SH3BP2: variants seen among roughly 807,000 people sequenced by gnomAD.
The protein encoded by SH3BP2 is SH3 domain binding protein 2, also known as SH3 domain-binding protein 2.
Under a neutral mutation model 56.2 loss-of-function variants are expected in SH3BP2, and 38 were observed. That is an observed-to-expected ratio of 0.68 (90% CI 0.52 to 0.89). The LOEUF (loss-of-function observed/expected upper bound fraction) is 0.89. Among genes scored for constraint, SH3BP2 ranks in the 40% least tolerant of loss-of-function variants. The probability of loss-of-function intolerance (pLI) is 0.00; values close to 1 mark genes in which losing one functional copy is unlikely to be tolerated. For synonymous variants in SH3BP2, 346 were observed against 316.7 expected, an observed-to-expected ratio of 1.09 and a Z score of -0.98; for missense variants, 748 against 762.6, an observed-to-expected ratio of 0.98 and a Z score of 0.23.
intron 1 of SH3BP2, chr4:2,818,758 T>G (rs923472341): frequency 1.0e-6 from 1 of 988,268 alleles, no homozygotes; most frequent in Non-Finnish European, 1.2e-6. Context: ...GACCCGCCCC[T>G]GACCCCTCCC....
chr4:2,800,844 G>A (rs1560094986), intron 1 of SH3BP2, among the ~76,000 whole-genome samples: 1 of 152,190 alleles, frequency 6.6e-6, no homozygotes, highest in South Asian at 2.1e-4. Context: ...TTGCAGGTGG[G>A]GAACGGCTGG....
At chr4:2,817,846 G>A (rs1026437915) in intron 1 of SH3BP2, 4 of 152,256 alleles carry the variant, frequency 2.6e-5, no homozygotes, top group African/African-American at 9.6e-5. Context: ...CCACTTTCCC[G>A]AGGGAGCTGG....
chr4:2,820,660 A>G lies in SH3BP2; in HGVS notation c.43A>G (p.Ile15Val). 6.2e-7 allele frequency: 1 copy of G among 1,614,156 alleles called. No individual in the cohort carries two copies. Residue 15 changes from isoleucine to valine, a missense_variant, in exon 2 of 13, where the codon ATT becomes GTT. Physicochemically the swap from Ile to Val is conservative, Grantham distance 29. Around this residue, in one of 3 missense-constraint regions of SH3BP2, gnomAD observed 104 missense variants for 123.1 expected, o/e 0.84. Transcript: ENST00000503393. ...EMHWPVPMKA[I>V]GAQNLLTMPG... ...GCATTGGCCTGTCCCTATGAAGGCCATTGGTGCCCAGAACCTGCTAACCAT... is the reference window on the plus strand; with the variant it reads ...GCATTGGCCTGTCCCTATGAAGGCCGTTGGTGCCCAGAACCTGCTAACCAT...
chr4:2,829,611 G>T lies in SH3BP2; in HGVS notation c.705G>T (p.Leu235=). The T allele has an allele frequency of 1.2e-6, 2 of 1,610,898 alleles. No individual in the cohort carries two copies. The highest frequency in any genetic ancestry group is 1.7e-6 in the Non-Finnish European group (2 of 1,178,938). ...SFTSKGPGPL[L]PPPPPKHGLP... The stretch of plus-strand genomic sequence containing the variant: ...CCTCCAAGGGCCCCGGTCCCCTACT[G>T]CCACCCCCGCCCCCTAAGCACGGCC... Residue 235 remains leucine (L), a synonymous_variant, in exon 8 of 13, where the codon CTG becomes CTT. Transcript: ENST00000503393. The surrounding 1 kb of genome is among the most constrained non-coding windows in gnomAD (Gnocchi z 4.9).
intron 8 of SH3BP2, among the ~76,000 whole-genome samples, chr4:2,830,941 A>T (rs1452893009): frequency 6.6e-6 from 1 of 152,182 alleles, no homozygotes; most frequent in Admixed American, 6.5e-5. Flanking sequence ...AGTGCCTCTG[A>T]GCAGCCCTTG....
rs980548080 is a variant in SH3BP2 at position 2,818,291 on chromosome 4, C to T, written c.-4-2323C>T. 11 of 1,047,532 alleles carry T rather than the reference C, an allele frequency of 1.1e-5. No individual in the cohort carries two copies. In the East Asian group the frequency reaches 6.3e-4, roughly 60 times the overall value. 64.9% of individuals were successfully genotyped at this position (1,047,532 alleles called of 1,614,324 possible). A position where few individuals can be genotyped will look rare whatever the true frequency, so the allele number is the denominator to read the frequency against. ...GAGGCGGGCGCCCGGGACGAGGCGG[C>T]GGCGGCCGGGGGACGCGGCCCGGGG... is the stretch of plus-strand genomic sequence containing the variant. On this transcript the variant is annotated intron_variant, in intron 1 of 12. Coordinates refer to ENST00000503393, the MANE Select transcript of SH3BP2 (RefSeq NM_001122681.2).
At chr4:2,803,822 A>T (rs1204681658) in intron 1 of SH3BP2, among the ~76,000 whole-genome samples, 1 of 152,130 alleles carries the variant, frequency 6.6e-6, no homozygotes, top group Non-Finnish European at 1.5e-5. Context: ...ACGCTGGCGG[A>T]TGTGTCAACG....
rs1342390620 is a variant in SH3BP2, at chr4:2,839,025, A to G, written c.*5191A>G. On this transcript the variant is annotated 3_prime_UTR_variant, in exon 13 of 13. Coordinates refer to ENST00000503393, the MANE Select transcript of SH3BP2 (RefSeq NM_001122681.2). Reference sequence around the variant, plus strand: ...CACTTTTGCCAGTCTGGTGGGGTGTATAGTTATGGCCTTAATTTGCATTTA... The same window carrying G: ...CACTTTTGCCAGTCTGGTGGGGTGTGTAGTTATGGCCTTAATTTGCATTTA... 1.3e-5 allele frequency: 2 copies of G among 152,196 alleles called. No individual in the cohort carries two copies. The highest frequency in any genetic ancestry group is 2.9e-5 in the Non-Finnish European group (2 of 68,026). The allele number at this position is 152,196 out of a possible 1,614,324, so 9.4% of individuals were successfully genotyped here.
intron 1 of SH3BP2, among the ~76,000 whole-genome samples, chr4:2,806,752 C>T (rs7695259): frequency 0.062 from 9,462 of 152,294 alleles, 591 homozygotes; most frequent in African/African-American, 0.16. Flanking sequence ...TGGAGGCCCC[C>T]GGGCAGTCCC....
intron 1 of SH3BP2, chr4:2,798,929 G>T: frequency 1.1e-6 from 1 of 949,154 alleles, no homozygotes; most frequent in Non-Finnish European, 1.3e-6. Flanking sequence ...ATGCGTGAGG[G>T]TGAGGGTGTG....
intron 7 of SH3BP2, among the ~76,000 whole-genome samples, chr4:2,828,990 G>A (rs943592549): frequency 6.6e-6 from 1 of 152,064 alleles, no homozygotes; most frequent in Admixed American, 6.5e-5. Flanking sequence ...CAGGCTGCCC[G>A]CTCCGAGTCA....
At position 2,830,003 on chromosome 4, in the gene SH3BP2, AC is replaced by A. The variant is rs1560111269; in HGVS notation, c.1103del (p.Pro368GlnfsTer21). 1.9e-6 allele frequency: 3 copies of A among 1,612,210 alleles called. No homozygotes were observed. Among genetic ancestry groups the A allele is most frequent in the Non-Finnish European group, 2.5e-6 (3 of 1,179,786 alleles). On this transcript the variant is annotated frameshift_variant, in exon 8 of 13. Transcript: ENST00000503393. LOFTEE classifies it high-confidence loss of function. ...KPKFLKIAEE[D>X]PPREAAMPGL... ...AAGTTCCTGAAGATAGCTGAAGAGG[AC>A]CCCCCAAGGGAGGCAGCCATGCCCG...
At chr4:2,811,219 C>G (rs1273867998) in intron 1 of SH3BP2, among the ~76,000 whole-genome samples, 2 of 152,322 alleles carry the variant, frequency 1.3e-5, no homozygotes, top group East Asian at 3.9e-4. Context: ...GACACCTAGG[C>G]TATGGGACAG....
At chr4:2,818,104 C>A (rs569393666) in intron 1 of SH3BP2, 2 of 592,502 alleles carry the variant, frequency 3.4e-6, no homozygotes, top group African/African-American at 2.0e-5. Context: ...ACGTGCCTCC[C>A]GCGCACGGTG....
Position 2,825,054 on chromosome 4 carries a change from A to G in SH3BP2, c.358-72A>G. ...GGAGTCACAGCAGAGCAGGCAGGGC[A>G]GTGAAGGTGGAGGGGTGCGGTGGGG... On this transcript the variant is annotated intron_variant, in intron 4 of 12. Coordinates refer to ENST00000503393, the MANE Select transcript of SH3BP2 (RefSeq NM_001122681.2). 7.5e-6 allele frequency: 10 copies of G among 1,334,214 alleles called. No individual in the cohort carries two copies. The South Asian group carries it at 8.8e-5, about 12-fold the overall frequency. 82.6% of individuals were successfully genotyped at this position (1,334,214 alleles called of 1,614,324 possible). A position where few individuals can be genotyped will look rare whatever the true frequency, so the allele number is the denominator to read the frequency against.
intron 1 of SH3BP2, among the ~76,000 whole-genome samples, chr4:2,799,890 G>C (rs1056197914): frequency 6.6e-6 from 1 of 152,194 alleles, no homozygotes; most frequent in Admixed American, 6.5e-5. Context: ...AAGGGAGAGG[G>C]GCTAGAGAGG....
chr4:2,829,506 C>T lies in SH3BP2; in HGVS notation c.600C>T (p.His200=), dbSNP rs748798487. Residue 200 remains histidine, a synonymous_variant, in exon 8 of 13, where the codon CAC becomes CAT. Transcript: ENST00000503393. The surrounding 1 kb of genome is among the most constrained non-coding windows in gnomAD (Gnocchi z 4.9). ...TTTGCTCTGCAGATGCCCTGATGCA[C>T]CCACCGGCTTACCCACCACCCCCAG... ...EPGRLEDALM[H]PPAYPPPPVP... is the part of the protein sequence containing the mutation. 1.2e-6 allele frequency: 2 copies of T among 1,613,538 alleles called. No homozygotes were observed. Among genetic ancestry groups the T allele is most frequent in the East Asian group, 2.2e-5 (1 of 44,876 alleles).
intron 5 of SH3BP2, chr4:2,826,943 G>T: frequency 1.6e-6 from 1 of 609,412 alleles, no homozygotes; most frequent in Non-Finnish European, 3.1e-6. Context: ...GTTCCTGCGT[G>T]TGCTTGTGTG....
intron 2 of SH3BP2, among the ~76,000 whole-genome samples, chr4:2,821,501 G>A (rs193222926): frequency 1.2e-3 from 181 of 152,324 alleles, no homozygotes; most frequent in Non-Finnish European, 2.1e-3. Context: ...TTTCCACCTA[G>A]GGGTGGCCCC....
Sources: gnomAD v4.1 joint callset for allele counts (sites outside exome capture counted in the v4.1 genomes callset) on GRCh38, gnomAD v4.1.1 for gene constraint, gnomAD v4.1.1 regional missense constraint, Gnocchi (gnomAD v3.1) non-coding constraint, MANE v1.5 for transcripts, NCBI Gene and HGNC (gene_info 2026-07-23, HGNC 2026-07-21) for gene names.